The following PARPBP variants were observed in gnomAD, a reference collection of about 807,000 sequenced individuals.
The protein encoded by PARPBP is PARP1 binding protein, also known as PCNA-interacting partner.
In PARPBP, 52 loss-of-function variants were observed where a neutral mutation model predicts 50.0. The observed-to-expected ratio is 1.04, with a 90% CI of 0.83 to 1.31. PARPBP has a LOEUF of 1.31. Among genes scored for constraint, PARPBP ranks in the 50% most tolerant of loss-of-function variants. The pLI is 0.00. For missense variants in PARPBP, 697 were observed against 672.0 expected (o/e 1.04, Z -0.41); for synonymous variants, 244 against 232.1 (o/e 1.05, Z -0.47).
At chr12:102,154,304 T>C (rs1222860286) in intron 4 of PARPBP, among the ~76,000 whole-genome samples, 1 of 152,190 alleles carries the variant, frequency 6.6e-6, no homozygotes, top group Non-Finnish European at 1.5e-5. Context: ...GGTTCATCCT[T>C]GGGAGAATAT....
At chr12:102,180,044 A>G (rs1239372018) in intron 8 of PARPBP, among the ~76,000 whole-genome samples, 4 of 152,138 alleles carry the variant, frequency 2.6e-5, no homozygotes, top group Non-Finnish European at 5.9e-5. Context: ...TCTGTCATTC[A>G]GTGTTGTCAT....
At chr12:102,135,429 C>T (rs1304024005) in intron 2 of PARPBP, among the ~76,000 whole-genome samples, 1 of 150,426 alleles carries the variant, frequency 6.6e-6, no homozygotes, top group Non-Finnish European at 1.5e-5. Context: ...CCTGTAGTTC[C>T]AGCTACTTGG....
At chr12:102,140,590 A>C (rs1032614436) in intron 2 of PARPBP, among the ~76,000 whole-genome samples, 19 of 152,092 alleles carry the variant, frequency 1.2e-4, no homozygotes, top group African/African-American at 4.6e-4. Context: ...TGTCGATTTT[A>C]GATCTTTCCT....
chr12:102,157,354 TATC>T (rs1887065233), intron 4 of PARPBP, among the ~76,000 whole-genome samples: 1 of 152,122 alleles, frequency 6.6e-6, no homozygotes, highest in South Asian at 2.1e-4. Flanking sequence ...TATTTTAAAA[TATC>T]ATTTACTAAC....
At chr12:102,154,151 A>T (rs1228463893) in intron 4 of PARPBP, among the ~76,000 whole-genome samples, 175 bp downstream of exon 4, 2 of 152,222 alleles carry the variant, frequency 1.3e-5, no homozygotes, top group East Asian at 3.8e-4. Context: ...AATGTGATAA[A>T]AGAGTCTTTA....
At position 102,196,413 on chromosome 12, in the gene PARPBP, A is replaced by C. The variant is rs1891322064; in HGVS notation, c.*122A>C. The C allele has an allele frequency of 1.3e-6, 1 of 762,244 alleles. No individual in the cohort carries two copies. The highest frequency in any genetic ancestry group is 1.8e-5 in the South Asian group (1 of 55,474). The allele number at this position is 762,244 out of a possible 1,614,324, so 47.2% of individuals were successfully genotyped here. On this transcript the variant is annotated 3_prime_UTR_variant, in exon 11 of 11. Transcript: ENST00000327680. ...TATTATTTTGGTCTACAGTGTATGT[A>C]AGGTTAGTATGTTAAGCATTGTTTA...
intron 6 of PARPBP, among the ~76,000 whole-genome samples, chr12:102,175,066 A>G (rs900806186): frequency 2.0e-5 from 3 of 152,326 alleles, no homozygotes; most frequent in African/African-American, 7.2e-5. Flanking sequence ...TGATGTAGGG[A>G]TAATAATATC....
intron 6 of PARPBP, among the ~76,000 whole-genome samples, chr12:102,171,006 G>A (rs1888661217): frequency 1.4e-5 from 2 of 143,012 alleles, no homozygotes; most frequent in Non-Finnish European, 3.0e-5. Context: ...TTATCAATAT[G>A]ACTGTCTTCC....
At chr12:102,174,889 A>G (rs1003839667) in intron 6 of PARPBP, among the ~76,000 whole-genome samples, 4 of 152,218 alleles carry the variant, frequency 2.6e-5, no homozygotes, top group Non-Finnish European at 5.9e-5. Flanking sequence ...GGTCATTACT[A>G]ACTTGCTTAG....
chr12:102,150,357 A>G, intron 3 of PARPBP: 1 of 433,832 alleles, frequency 2.3e-6, no homozygotes, highest in Non-Finnish European at 4.6e-6. Context: ...ATTTTTGCTG[A>G]AAGTCTCTTT....
intron 2 of PARPBP, among the ~76,000 whole-genome samples, chr12:102,147,245 T>A (rs1885494807): frequency 6.6e-6 from 1 of 152,218 alleles, no homozygotes; most frequent in Admixed American, 6.5e-5. Flanking sequence ...TAAATCATGC[T>A]GCTGTAAAGA....
intron 9 of PARPBP, among the ~76,000 whole-genome samples, chr12:102,186,779 A>G (rs967441147): frequency 3.9e-5 from 6 of 152,114 alleles, no homozygotes; most frequent in Non-Finnish European, 7.4e-5. Context: ...ATTATATTGA[A>G]TGTCTGAGTA....
In PARPBP at chr12:102,148,256, C is replaced by T; in HGVS notation, c.180C>T (p.Leu60=). The part of the protein sequence containing the change: ...KQHSGEFTVS[L]SDVLLTWKYL... ...ACAGTGGAGAATTTACAGTCTCTCTCAGTGATGTTTTATTGACATGGAAAT... is the reference window on the plus strand; with the variant it reads ...ACAGTGGAGAATTTACAGTCTCTCTTAGTGATGTTTTATTGACATGGAAAT... The change falls in exon 3 of 11, where the codon CTC becomes CTT. Residue 60 remains leucine, a synonymous_variant. Coordinates refer to ENST00000327680, the MANE Select transcript of PARPBP (RefSeq NM_017915.5). The T allele has an allele frequency of 6.3e-7, 1 of 1,582,100 alleles. No individual in the cohort carries two copies. Among genetic ancestry groups the T allele is most frequent in the Non-Finnish European group, 8.6e-7 (1 of 1,158,336 alleles).
intron 1 of PARPBP, 33 bp from the exon 2 acceptor site, chr12:102,123,853 A>G: frequency 2.1e-6 from 3 of 1,461,772 alleles, no homozygotes; most frequent in Non-Finnish European, 2.8e-6. Context: ...TTAACATAAG[A>G]TACTTTAACT....
At chr12:102,161,798 A>G (rs977014343) in intron 4 of PARPBP, among the ~76,000 whole-genome samples, 1 of 152,228 alleles carries the variant, frequency 6.6e-6, no homozygotes, top group African/African-American at 2.4e-5. Context: ...GAATTATAAT[A>G]GGGTGATATG....
At chr12:102,171,181 A>G (rs535629286) in intron 6 of PARPBP, among the ~76,000 whole-genome samples, 2 of 151,508 alleles carry the variant, frequency 1.3e-5, no homozygotes, top group South Asian at 4.2e-4. Context: ...GAAGGAGTAC[A>G]CTCTAAAATA....
intron 2 of PARPBP, among the ~76,000 whole-genome samples, chr12:102,128,438 A>G (rs1037813169): frequency 2.0e-5 from 3 of 152,114 alleles, no homozygotes; most frequent in Non-Finnish European, 4.4e-5. Context: ...TCACCGTGTT[A>G]GCCAGGATGG....
At chr12:102,120,585 C>G in intron 1 of PARPBP, 2 of 441,922 alleles carry the variant, frequency 4.5e-6, no homozygotes, top group South Asian at 3.2e-5. Flanking sequence ...GGTTCTAGTC[C>G]CACTATGTAC....
intron 2 of PARPBP, among the ~76,000 whole-genome samples, chr12:102,130,860 A>T (rs574343316): frequency 5.3e-5 from 8 of 152,034 alleles, no homozygotes; most frequent in Non-Finnish European, 1.2e-4. Flanking sequence ...CATCTCAGAA[A>T]AAAAAAAACC....
Sources: gnomAD v4.1 joint callset for allele counts (sites outside exome capture counted in the v4.1 genomes callset) on GRCh38, gnomAD v4.1.1 for gene constraint, MANE v1.5 for transcripts, NCBI Gene and HGNC (gene_info 2026-07-23, HGNC 2026-07-21) for gene names.